Variants in ZRANB3 observed in about 807,000 individuals in gnomAD.
The protein encoded by ZRANB3 is DNA annealing helicase and endonuclease ZRANB3.
In ZRANB3, 125 loss-of-function variants were observed where a neutral mutation model predicts 133.8. That is an observed-to-expected ratio of 0.93 (90% CI 0.81 to 1.08). The LOEUF (loss-of-function observed/expected upper bound fraction) is 1.08, where lower values mean the gene tolerates loss of function less well. Ranked by LOEUF, ZRANB3 falls within the 50% of genes least tolerant of loss-of-function variation. ZRANB3 has a pLI of 0.00. For synonymous variants in ZRANB3, 387 were observed against 432.7 expected (o/e 0.89, Z 1.31); for missense variants, 1,229 against 1,275.5 (o/e 0.96, Z 0.56).
At chr2:135,485,065 T>TA (rs1226777600) in intron 2 of ZRANB3, among the ~76,000 whole-genome samples, 1 of 151,566 alleles carries the variant, frequency 6.6e-6, no homozygotes, top group East Asian at 1.9e-4. Context: ...AATAAATATA[T>TA]TTTTAAAACC....
In ZRANB3 at chr2:135,426,860, AAAAATATATATATATATATATATATATAT is replaced by A. The variant is rs1160314857; in HGVS notation, c.162-36069_162-36041del. 5.9e-4 allele frequency among the ~76,000 whole-genome samples: 25 copies of A among 42,512 alleles called. 3 individuals are homozygous for A. Among genetic ancestry groups the A allele is most frequent in the African/African-American group, 4.3e-3 (24 of 5,608 alleles). 27.9% of individuals were successfully genotyped at this position (42,512 alleles called of 152,430 possible). On this transcript the variant is annotated intron_variant, in intron 2 of 20. Coordinates refer to ENST00000264159, the MANE Select transcript of ZRANB3 (RefSeq NM_032143.4). ...AAAAAAAAAAAAAAAAAAAAAAAAA[AAAAATATATATATATATATATATATATAT>A]ATATATATATATATATATATATGTG...
intron 8 of ZRANB3, among the ~76,000 whole-genome samples, chr2:135,278,492 A>C (rs1315831931): frequency 6.6e-6 from 1 of 152,202 alleles, no homozygotes; most frequent in Non-Finnish European, 1.5e-5. Flanking sequence ...TAATATATAA[A>C]GGAAAGAGGT....
chr2:135,483,554 C>A (rs1691944234), intron 2 of ZRANB3, among the ~76,000 whole-genome samples: 1 of 151,926 alleles, frequency 6.6e-6, no homozygotes, highest in South Asian at 2.1e-4. Context: ...TTGATCCTTT[C>A]AAAAAACCAG....
chr2:135,383,867 A>T (rs1225176042), intron 3 of ZRANB3, among the ~76,000 whole-genome samples: 1 of 152,194 alleles, frequency 6.6e-6, no homozygotes, highest in African/African-American at 2.4e-5. Flanking sequence ...AATTTATACC[A>T]CTAAATGCCC....
intron 1 of ZRANB3, among the ~76,000 whole-genome samples, chr2:135,516,029 G>GT (rs1374213163): frequency 6.6e-6 from 1 of 151,948 alleles, no homozygotes. Flanking sequence ...TTGCCATTAT[G>GT]TAATGCCCTT....
chr2:135,268,811 A>G, intron 11 of ZRANB3, 151 bp downstream of exon 11: 1 of 662,274 alleles, frequency 1.5e-6, no homozygotes, highest in Non-Finnish European at 2.5e-6. Flanking sequence ...CTACTACTGA[A>G]GCCTTTTCTT....
intron 12 of ZRANB3, among the ~76,000 whole-genome samples, chr2:135,236,351 T>C (rs1695283785): frequency 6.6e-6 from 1 of 151,910 alleles, no homozygotes; most frequent in Non-Finnish European, 1.5e-5. Flanking sequence ...GTCATGAAAA[T>C]GGCGATACTG....
intron 2 of ZRANB3, among the ~76,000 whole-genome samples, chr2:135,481,582 G>T (rs1486992149): frequency 6.6e-6 from 1 of 151,652 alleles, no homozygotes; most frequent in Non-Finnish European, 1.5e-5. Context: ...TCACTCTGAT[G>T]GTAGTTTCTT....
intron 3 of ZRANB3, among the ~76,000 whole-genome samples, chr2:135,369,294 A>G (rs1305537076): frequency 6.6e-6 from 1 of 152,102 alleles, no homozygotes; most frequent in Non-Finnish European, 1.5e-5. Context: ...CTCATTTCCT[A>G]TGGGCTTAAA....
intron 3 of ZRANB3, among the ~76,000 whole-genome samples, chr2:135,382,104 A>C (rs529814607): frequency 6.6e-6 from 1 of 152,296 alleles, no homozygotes; most frequent in East Asian, 1.9e-4. Context: ...AAAAAAGATT[A>C]GACGAAGGGC....
chr2:135,516,553 T>C (rs1693706407), intron 1 of ZRANB3, among the ~76,000 whole-genome samples: 1 of 152,224 alleles, frequency 6.6e-6, no homozygotes, highest in South Asian at 2.1e-4. Flanking sequence ...TATGAAATTC[T>C]GGGTTGAAAA....
At chr2:135,384,870 A>C (rs1686890633) in intron 3 of ZRANB3, among the ~76,000 whole-genome samples, 2 of 152,186 alleles carry the variant, frequency 1.3e-5, no homozygotes, top group Non-Finnish European at 2.9e-5. Flanking sequence ...ATTTATGACA[A>C]ACTCACAGCC....
intron 2 of ZRANB3, among the ~76,000 whole-genome samples, chr2:135,442,843 G>A (rs551178916): frequency 2.2e-4 from 33 of 152,168 alleles, no homozygotes; most frequent in East Asian, 1.2e-3. Flanking sequence ...TGGGCTGGGC[G>A]CAGTGGCTCA....
chr2:135,373,239 G>T (rs1345652952), intron 3 of ZRANB3, among the ~76,000 whole-genome samples: 2 of 152,100 alleles, frequency 1.3e-5, no homozygotes, highest in Non-Finnish European at 2.9e-5. Context: ...AGGCACTGTG[G>T]TAAGTACATA....
intron 8 of ZRANB3, among the ~76,000 whole-genome samples, chr2:135,296,067 G>C (rs1437645039): frequency 2.6e-5 from 4 of 152,072 alleles, no homozygotes; most frequent in East Asian, 1.9e-4. Context: ...TGGAGTTGCT[G>C]TTCTCGAGGA....
In ZRANB3 at chr2:135,259,749, A is replaced by G. The variant is rs140956844; in HGVS notation, c.1539+5785T>C. 9.7e-4 allele frequency among the ~76,000 whole-genome samples: 145 copies of G among 150,164 alleles called. 1 individual carries two copies. The highest frequency in any genetic ancestry group is 2.8e-3 in the Admixed American group (42 of 15,126). ...CAGACATGTCCTAACCACAAGCAGG[A>G]CTCATTACCCATACTAAATTAGAGT... On this transcript the variant is annotated intron_variant, in intron 12 of 20. Coordinates refer to ENST00000264159, the MANE Select transcript of ZRANB3 (RefSeq NM_032143.4).
rs1558837000 is a variant in ZRANB3, at chr2:135,219,063, A to G, written c.2352+14T>C. The G allele has an allele frequency of 2.8e-6, 4 of 1,423,550 alleles. No homozygotes were observed. The highest frequency in any genetic ancestry group is 3.7e-6 in the Non-Finnish European group (4 of 1,081,156). 88.2% of individuals were successfully genotyped at this position (1,423,550 alleles called of 1,614,324 possible). A position where few individuals can be genotyped will look rare whatever the true frequency, so the allele number is the denominator to read the frequency against. On this transcript the variant is annotated intron_variant, in intron 16 of 20. Transcript: ENST00000264159. ...TAAAGTAAATAAAGCCATTTTATTT[A>G]AAACTATTCTTACCAGTGAGCGATA... is the stretch of plus-strand genomic sequence containing the variant.
chr2:135,467,229 C>T (rs1691040396), intron 2 of ZRANB3, among the ~76,000 whole-genome samples: 1 of 152,132 alleles, frequency 6.6e-6, no homozygotes, highest in Non-Finnish European at 1.5e-5. Context: ...CTCACTTTTT[C>T]CTTTGTACCA....
chr2:135,333,591 A>G (rs942207694), intron 6 of ZRANB3, among the ~76,000 whole-genome samples: 10 of 152,202 alleles, frequency 6.6e-5, no homozygotes, highest in Admixed American at 5.9e-4. Context: ...AAATCTAATG[A>G]TGTTTGTTTC....
Sources: gnomAD v4.1 joint callset for allele counts (sites outside exome capture counted in the v4.1 genomes callset) on GRCh38, gnomAD v4.1.1 for gene constraint, MANE v1.5 for transcripts, NCBI Gene and HGNC (gene_info 2026-07-23, HGNC 2026-07-21) for gene names.